The following NBPF11 variants were observed in gnomAD, a reference collection of about 807,000 sequenced individuals.
The protein encoded by NBPF11 is NBPF family member NBPF11.
In NBPF11, 72 loss-of-function variants were observed where a neutral mutation model predicts 93.9. The observed-to-expected ratio is 0.77, with a 90% CI of 0.63 to 0.93. The LOEUF is 0.93. Among genes scored for constraint, NBPF11 ranks in the 40% least tolerant of loss-of-function variants. NBPF11 has a pLI of 0.00. For synonymous variants in NBPF11, 224 were observed against 304.9 expected, an observed-to-expected ratio of 0.73 and a Z score of 2.76; for missense variants, 705 against 802.2, an observed-to-expected ratio of 0.88 and a Z score of 1.46.
intron 4 of NBPF11, among the ~76,000 whole-genome samples, chr1:148,128,925 C>T (rs1329706609): frequency 6.8e-6 from 1 of 146,022 alleles, no homozygotes; most frequent in Non-Finnish European, 1.5e-5. Context: ...AGCATGTTCT[C>T]ACTCATGGGT....
chr1:148,107,205 T>C (rs1361613647), intron 19 of NBPF11, 91 bp from the exon 20 acceptor site: 3 of 566,992 alleles, frequency 5.3e-6, no homozygotes, highest in African/African-American at 2.1e-5. Context: ...TAAGGAACTG[T>C]TTAAAAAGAA....
rs1417763564 is a variant in NBPF11, at chr1:148,114,180, T to C, written c.1637+257A>G. On this transcript the variant is annotated intron_variant, in intron 15 of 23. Coordinates refer to ENST00000682118, the MANE Select transcript of NBPF11 (RefSeq NM_001385469.3). ...AAAAAATCAATGAATCCAGGGCTGG[T>C]TTTTTGAAAAGATCAACAAGAAAAC... is the stretch of plus-strand genomic sequence containing the variant. 3.7e-3 allele frequency among the ~76,000 whole-genome samples: 537 copies of C among 146,532 alleles called. 3 individuals are homozygous for C. Among genetic ancestry groups the C allele is most frequent in the African/African-American group, 0.012 (473 of 39,528 alleles).
intron 9 of NBPF11, among the ~76,000 whole-genome samples, chr1:148,120,953 G>C (rs1281166941): frequency 6.6e-6 from 1 of 152,026 alleles, no homozygotes; most frequent in Non-Finnish European, 1.5e-5. Context: ...ATAAAGCAAG[G>C]CTTGGCCCTG....
At chr1:148,142,606 C>G (rs1473025087) in intron 2 of NBPF11, among the ~76,000 whole-genome samples, 1 of 152,114 alleles carries the variant, frequency 6.6e-6, no homozygotes, top group Non-Finnish European at 1.5e-5. Flanking sequence ...TGGTGGGCAG[C>G]CACGTGAGAA....
intron 1 of NBPF11, chr1:148,149,606 C>T: frequency 6.4e-7 from 1 of 1,574,640 alleles, no homozygotes. Flanking sequence ...ATAAGGCGGC[C>T]CCCGGACCTC....
At chr1:148,145,829 G>A (rs1672906150) in intron 1 of NBPF11, among the ~76,000 whole-genome samples, 1 of 151,276 alleles carries the variant, frequency 6.6e-6, no homozygotes, top group Admixed American at 6.6e-5. Flanking sequence ...GCACTAAGCT[G>A]TGATTGTACC....
chr1:148,124,185 C>T, intron 6 of NBPF11, 118 bp from the exon 7 acceptor site: 1 of 758,302 alleles, frequency 1.3e-6, no homozygotes, highest in African/African-American at 1.8e-5. Flanking sequence ...AGAAGGTCAG[C>T]ACATGTTGAA....
chr1:148,140,483 C>A (rs1671997176), intron 2 of NBPF11, among the ~76,000 whole-genome samples: 2 of 150,056 alleles, frequency 1.3e-5, no homozygotes, highest in African/African-American at 4.9e-5. Context: ...ATGGAAAAAG[C>A]AAGTCACAGA....
intron 10 of NBPF11, 103 bp downstream of exon 10, chr1:148,120,398 T>G: frequency 1.3e-6 from 1 of 753,712 alleles, no homozygotes; most frequent in East Asian, 2.5e-5. Context: ...CCTAGAAGTA[T>G]GGGGAGGATG....
rs1203816821 is a variant in NBPF11, at chr1:148,143,497, G to A, written c.-359C>T. The A allele has an allele frequency of 5.6e-5, 37 of 664,000 alleles. No homozygotes were observed. The highest frequency in any genetic ancestry group is 2.9e-4 in the East Asian group (4 of 13,920). 41.1% of individuals were successfully genotyped at this position (664,000 alleles called of 1,614,324 possible). ...CACTGAATGGGTAAGTTTCTACATCGGTGCCTCGGAGAGTCCACCAGAAGC... is the reference window on the plus strand; with the variant it reads ...CACTGAATGGGTAAGTTTCTACATCAGTGCCTCGGAGAGTCCACCAGAAGC... On this transcript the variant is annotated 5_prime_UTR_variant, in exon 2 of 24. An upstream open reading frame in the 5' UTR gains an earlier in-frame stop. Coordinates refer to ENST00000682118, the MANE Select transcript of NBPF11 (RefSeq NM_001385469.3).
intron 10 of NBPF11, 25 bp downstream of exon 10, chr1:148,120,476 G>T: frequency 1.1e-6 from 1 of 901,028 alleles, no homozygotes; most frequent in Non-Finnish European, 1.9e-6. Context: ...CATCACTTTC[G>T]TGATGGTGAG....
chr1:148,132,185 C>T (rs1194962271), intron 4 of NBPF11, among the ~76,000 whole-genome samples: 1 of 145,888 alleles, frequency 6.9e-6, no homozygotes, highest in African/African-American at 2.5e-5. Flanking sequence ...AGATGATAAT[C>T]TTCAAAACGG....
chr1:148,142,562 C>T (rs1672363324), intron 2 of NBPF11, among the ~76,000 whole-genome samples: 1 of 152,014 alleles, frequency 6.6e-6, no homozygotes, highest in African/African-American at 2.4e-5. Flanking sequence ...CACTGGACTT[C>T]CCTCCTTGCA....
At chr1:148,111,730 C>T (rs1249683745) in intron 15 of NBPF11, among the ~76,000 whole-genome samples, 3 of 151,742 alleles carry the variant, frequency 2.0e-5, no homozygotes, top group East Asian at 1.9e-4. Context: ...AATGAACAAG[C>T]CTCCAATAAA....
At chr1:148,127,868 G>C (rs1337337437) in intron 4 of NBPF11, among the ~76,000 whole-genome samples, 25 of 151,658 alleles carry the variant, frequency 1.6e-4, no homozygotes, top group South Asian at 4.2e-4. Flanking sequence ...GTGTTAGCCA[G>C]GATGGTCTCG....
At chr1:148,121,726 T>C (rs1571446090) in intron 9 of NBPF11, among the ~76,000 whole-genome samples, 1 of 151,806 alleles carries the variant, frequency 6.6e-6, no homozygotes, top group African/African-American at 2.4e-5. Flanking sequence ...TGAATGAGGG[T>C]GGGAGGATCA....
intron 23 of NBPF11, 39 bp from the exon 24 acceptor site, chr1:148,103,951 A>G: frequency 6.2e-7 from 1 of 1,610,508 alleles, no homozygotes. Flanking sequence ...AGCCAGGGAA[A>G]ATCAGACACC....
At position 148,143,143 on chromosome 1, in the gene NBPF11, T is replaced by C. The variant is rs1406191595; in HGVS notation, c.-277+272A>G. ...GAGAGGGGAAGAGAGAGGAGAGGGA[T>C]GCAGATCTAGCTACCAAGGAAAAGT... On this transcript the variant is annotated intron_variant, in intron 2 of 23. Coordinates refer to ENST00000682118, the MANE Select transcript of NBPF11 (RefSeq NM_001385469.3). 1.2e-4 allele frequency among the ~76,000 whole-genome samples: 18 copies of C among 151,568 alleles called. 1 individual carries two copies. In the East Asian group the frequency reaches 3.3e-3, roughly 28 times the overall value.
chr1:148,113,191 C>T (rs1665719717), intron 15 of NBPF11, among the ~76,000 whole-genome samples: 1 of 151,984 alleles, frequency 6.6e-6, no homozygotes, highest in Admixed American at 6.5e-5. Flanking sequence ...GATAAAGAGT[C>T]AAGACCCATC....
Sources: allele counts gnomAD v4.1 joint callset (sites outside exome capture counted in the v4.1 genomes callset), GRCh38; gene constraint gnomAD v4.1.1; transcripts MANE v1.5; gene names NCBI Gene and HGNC (gene_info 2026-07-23, HGNC 2026-07-21).